Variants in SERPINB6 observed in about 807,000 individuals in gnomAD.
SERPINB6 encodes the protein serpin B6.
SERPINB6 carries 16 observed loss-of-function variants against 26.1 expected under a neutral mutation model. The ratio of observed to expected loss-of-function variants is 0.61; its 90% confidence interval spans 0.42 to 0.93. The LOEUF is 0.93. SERPINB6 is among the 40% of genes least tolerant of loss of function. The pLI is 0.00. For synonymous variants in SERPINB6, 174 were observed against 176.6 expected (o/e 0.99, Z 0.11); for missense variants, 420 against 478.0 (o/e 0.88, Z 1.13).
At chr6:2,968,727 G>A (rs1255364598) in intron 1 of SERPINB6, 1 of 1,231,508 alleles carries the variant, frequency 8.1e-7, no homozygotes. Flanking sequence ...ACCCTTGGAT[G>A]TCAGTACATA....
chr6:2,960,577 T>A (rs183571462), intron 1 of SERPINB6: 2 of 152,352 alleles, frequency 1.3e-5, no homozygotes, highest in Admixed American at 6.5e-5. Context: ...GAGCAGTGAG[T>A]GGGAACCCAC....
chr6:2,948,598 C>T lies in SERPINB6; in HGVS notation c.831G>A (p.Glu277=). 6.2e-7 allele frequency: 1 copy of T among 1,614,206 alleles called. No homozygotes were observed. The highest frequency in any genetic ancestry group is 8.5e-7 in the Non-Finnish European group (1 of 1,180,024). ...GGACACTCTCCATGTCGTAGCTTTC[C>T]TCTAGTTTAAACCGCGGGAGGGACA... ...VEVSLPRFKL[E]ESYDMESVLR... Residue 277 remains glutamate, a synonymous_variant, in exon 7 of 7, where the codon GAG becomes GAA. Transcript: ENST00000380539. This position sits in a 1 kb window ranked among gnomAD's most constrained non-coding sequence, Gnocchi z 5.0.
chr6:2,949,120 A>G, intron 5 of SERPINB6, 51 bp from the exon 6 acceptor site: 1 of 1,594,660 alleles, frequency 6.3e-7, no homozygotes. Flanking sequence ...CCACTGACAC[A>G]TGGGACAAAT....
At chr6:2,954,961 G>A (rs773396926) in intron 3 of SERPINB6, 9 of 450,394 alleles carry the variant, frequency 2.0e-5, no homozygotes, top group South Asian at 4.8e-5. Context: ...GGGCCGAGGC[G>A]GGTGGATCGT....
chr6:2,970,892 C>T (rs1461857660), intron 1 of SERPINB6: 6 of 1,230,744 alleles, frequency 4.9e-6, no homozygotes, highest in Non-Finnish European at 6.1e-6. Context: ...ATCGTCTCCA[C>T]AGGTCTGGGC....
chr6:2,949,769 T>C (rs967338993), intron 5 of SERPINB6, among the ~76,000 whole-genome samples: 1 of 152,200 alleles, frequency 6.6e-6, no homozygotes, highest in African/African-American at 2.4e-5. Context: ...CACCCTTCCC[T>C]GGCTCCCCAT....
At chr6:2,965,009 T>C (rs766902140) in intron 1 of SERPINB6, among the ~76,000 whole-genome samples, 1 of 152,154 alleles carries the variant, frequency 6.6e-6, no homozygotes, top group South Asian at 2.1e-4. Flanking sequence ...ACATTATCTA[T>C]TGCCTTCCTA....
At position 2,953,164 on chromosome 6, in the gene SERPINB6, A is replaced by G; in HGVS notation, c.453T>C (p.Ser151=). Residue 151 remains serine (S), a synonymous_variant, in exon 5 of 7, where the codon TCT becomes TCC. Coordinates refer to ENST00000380539, the MANE Select transcript of SERPINB6 (RefSeq NM_004568.6). ...KTEGKIAELL[S]PGSVDPLTRL... ...TTGTCAATGGATCCACTGAGCCCGG[A>G]GAGAGCAACTCCGCAATTTTACCTG... 1 of 1,614,196 alleles carries G rather than the reference A, an allele frequency of 6.2e-7. No homozygotes were observed.
At chr6:2,959,722 CT>C (rs1288848482) in intron 1 of SERPINB6, 1 of 285,074 alleles carries the variant, frequency 3.5e-6, no homozygotes, top group Non-Finnish European at 6.8e-6. Context: ...CTTAAATGTA[CT>C]GTTTTAATTT....
chr6:2,961,778 G>C (rs1342066647), intron 1 of SERPINB6: 3 of 968,010 alleles, frequency 3.1e-6, no homozygotes, highest in Non-Finnish European at 3.7e-6. Context: ...AAAAAAGACA[G>C]AGGTTAAGTA....
chr6:2,970,544 C>A (rs1772043921), intron 1 of SERPINB6: 3 of 1,196,856 alleles, frequency 2.5e-6, no homozygotes, highest in African/African-American at 1.6e-5. Context: ...TCAGGCCTGA[C>A]CCCCACCAGA....
chr6:2,961,895 C>A (rs1401250602), intron 1 of SERPINB6: 4 of 858,826 alleles, frequency 4.7e-6, no homozygotes, highest in Non-Finnish European at 5.6e-6. Context: ...GACTCTTACG[C>A]TTTTTTTTTT....
In SERPINB6 at chr6:2,967,121, C is replaced by G. The variant is rs1057212365; in HGVS notation, c.-11+4412G>C. ...GTTTGTATGTCACTTTGGGGCCAGG[C>G]TACTCACCCCAAAGGTGACCAGTGC... On this transcript the variant is annotated intron_variant, in intron 1 of 6. Transcript: ENST00000380539. This position sits in a 1 kb window ranked among gnomAD's most constrained non-coding sequence, Gnocchi z 4.3. 4.1e-6 allele frequency: 4 copies of G among 983,956 alleles called. No homozygotes were observed. The African/African-American group carries it at 5.2e-5, about 13-fold the overall frequency. 61.0% of individuals were successfully genotyped at this position (983,956 alleles called of 1,614,324 possible).
intron 2 of SERPINB6, chr6:2,956,577 T>C (rs1581249887): frequency 2.0e-5 from 3 of 152,306 alleles, no homozygotes; most frequent in African/African-American, 7.2e-5. Context: ...ATCCCAGCAC[T>C]TTGGGAGGCC....
At chr6:2,961,612 C>A (rs545427535) in intron 1 of SERPINB6, among the ~76,000 whole-genome samples, 1 of 152,296 alleles carries the variant, frequency 6.6e-6, no homozygotes, top group African/African-American at 2.4e-5. Flanking sequence ...AGAAGCACAG[C>A]CTGTGAAGTC....
chr6:2,970,180 CTTA>C, intron 1 of SERPINB6: 1 of 985,134 alleles, frequency 1.0e-6, no homozygotes, highest in Non-Finnish European at 1.2e-6. Context: ...CTTGGGTGCC[CTTA>C]TTATTACATA....
Position 2,948,654 on chromosome 6 carries a change from G to T in SERPINB6, c.775C>A (p.Leu259Met), listed in dbSNP as rs1408365742. The part of the protein sequence containing the change: ...TYEKFVEWTR[L>M]DMMDEEEVEV... ...ACCTCCTCTTCATCCATCATGTCCA[G>T]CCTCGTCCATTCTACGAACTTCTCG... is the stretch of plus-strand genomic sequence containing the variant. Residue 259 changes from leucine to methionine, a missense_variant, in exon 7 of 7, where the codon CTG becomes ATG. Leu to Met is a conservative substitution (Grantham distance 15). Coordinates refer to ENST00000380539, the MANE Select transcript of SERPINB6 (RefSeq NM_004568.6). This position sits in a 1 kb window ranked among gnomAD's most constrained non-coding sequence, Gnocchi z 5.0. 2 of 1,614,158 alleles carry T rather than the reference G, an allele frequency of 1.2e-6. No individual in the cohort carries two copies. Among genetic ancestry groups the T allele is most frequent in the Admixed American group, 1.7e-5 (1 of 60,032 alleles).
intron 1 of SERPINB6, chr6:2,961,391 C>T (rs1221444366): frequency 6.6e-6 from 1 of 152,048 alleles, no homozygotes; most frequent in Non-Finnish European, 1.5e-5. Context: ...TTTGATGATA[C>T]ATAAATAAAT....
intron 1 of SERPINB6, chr6:2,961,070 C>T (rs760291050): frequency 6.6e-6 from 1 of 152,234 alleles, no homozygotes; most frequent in Non-Finnish European, 1.5e-5. Flanking sequence ...CCTGCGGAAC[C>T]CATTTCCAAC....
Sources: allele counts gnomAD v4.1 joint callset (sites outside exome capture counted in the v4.1 genomes callset), GRCh38; gene constraint gnomAD v4.1.1; non-coding constraint Gnocchi (gnomAD v3.1); transcripts MANE v1.5; gene names NCBI Gene and HGNC (gene_info 2026-07-23, HGNC 2026-07-21).